Variants in CDC16 observed in about 807,000 individuals in gnomAD.
CDC16 encodes cell division cycle 16.
In CDC16, 34 loss-of-function variants were observed where a neutral mutation model predicts 87.0. That is an observed-to-expected ratio of 0.39 (90% CI 0.30 to 0.52). The LOEUF (loss-of-function observed/expected upper bound fraction) is 0.52, where lower values mean the gene tolerates loss of function less well. Among genes scored for constraint, CDC16 ranks in the 20% least tolerant of loss-of-function variants. CDC16 has a pLI of 0.74. For missense variants in CDC16, 653 were observed against 751.9 expected (o/e 0.87, Z 1.54); for synonymous variants, 263 against 260.6 (o/e 1.01, Z -0.09).
intron 11 of CDC16, among the ~76,000 whole-genome samples, chr13:114,247,521 A>G (rs2081939679): frequency 6.6e-6 from 1 of 151,870 alleles, no homozygotes. Context: ...ATGGGGAGAG[A>G]GAGAAAAAAA....
intron 3 of CDC16, among the ~76,000 whole-genome samples, chr13:114,238,123 G>A (rs2081347785): frequency 6.6e-6 from 1 of 151,574 alleles, no homozygotes; most frequent in African/African-American, 2.4e-5. Flanking sequence ...CGATCTCCTT[G>A]GACGCCCAGC....
At chr13:114,264,352 C>T (rs1217414908) in intron 16 of CDC16, 1 of 152,234 alleles carries the variant, frequency 6.6e-6, no homozygotes, top group African/African-American at 2.4e-5. Context: ...TCGAGACCAT[C>T]CTGACCAATA....
chr13:114,242,265 C>T lies in CDC16; in HGVS notation c.526C>T (p.Leu176=), dbSNP rs1045126064. 5.6e-6 allele frequency: 9 copies of T among 1,611,706 alleles called. No individual in the cohort carries two copies. In the African/African-American group the frequency reaches 8.0e-5, roughly 14 times the overall value. The change falls in exon 6 of 18, where the codon CTG becomes TTG. Residue 176 remains leucine (L), a synonymous_variant. Coordinates refer to ENST00000356221, the MANE Select transcript of CDC16 (RefSeq NM_001078645.3). ...CGATCTTTTAACATCACATCACATGCTGACAGCACAAGAAGGTTTGGAAAC... is the reference window on the plus strand; with the variant it reads ...CGATCTTTTAACATCACATCACATGTTGACAGCACAAGAAGGTTTGGAAAC... ...AFDLLTSHHM[L]TAQEEKELLE...
At chr13:114,246,223 C>G (rs781363778) in intron 10 of CDC16, among the ~76,000 whole-genome samples, 174 bp downstream of exon 10, 6 of 152,162 alleles carry the variant, frequency 3.9e-5, no homozygotes, top group Non-Finnish European at 7.4e-5. Flanking sequence ...AACTTTTCAA[C>G]CCATGAAGGT....
intron 11 of CDC16, 144 bp from the exon 12 acceptor site, chr13:114,250,405 T>G (rs2082106151): frequency 1.6e-6 from 1 of 626,898 alleles, no homozygotes; most frequent in African/African-American, 1.9e-5. Context: ...GGTAGGAGAA[T>G]TGCTTGGTAT....
intron 14 of CDC16, among the ~76,000 whole-genome samples, chr13:114,260,402 C>CT (rs1243170476): frequency 6.6e-6 from 1 of 152,226 alleles, no homozygotes; most frequent in Admixed American, 6.5e-5. Flanking sequence ...TGTCAGTTTT[C>CT]TAAGAAGTGA....
At chr13:114,246,200 C>T (rs771601686) in intron 10 of CDC16, 151 bp downstream of exon 10, 2 of 507,908 alleles carry the variant, frequency 3.9e-6, no homozygotes, top group Non-Finnish European at 6.9e-6. Flanking sequence ...ATTGTACTTA[C>T]AAAAGCAGCA....
intron 9 of CDC16, among the ~76,000 whole-genome samples, chr13:114,245,518 T>A (rs977256422): frequency 3.9e-5 from 6 of 152,204 alleles, no homozygotes; most frequent in Non-Finnish European, 8.8e-5. Context: ...ACATCGCATT[T>A]GTGGAAGCTG....
At chr13:114,266,261 C>T (rs1440347142) in intron 17 of CDC16, among the ~76,000 whole-genome samples, 2 of 152,174 alleles carry the variant, frequency 1.3e-5, no homozygotes, top group Non-Finnish European at 2.9e-5. Flanking sequence ...AGAGGTTTCT[C>T]CTAAAACGGG....
At chr13:114,266,186 A>G (rs1169465284) in intron 17 of CDC16, among the ~76,000 whole-genome samples, 1 of 152,134 alleles carries the variant, frequency 6.6e-6, no homozygotes, top group Admixed American at 6.5e-5. Flanking sequence ...TACAAAACAG[A>G]GCAGAGCCTT....
chr13:114,266,886 TG>T (rs1412786171), intron 17 of CDC16, among the ~76,000 whole-genome samples: 1 of 151,900 alleles, frequency 6.6e-6, no homozygotes, highest in African/African-American at 2.4e-5. Context: ...TTAGTAGTGA[TG>T]GGGTTTCACA....
intron 3 of CDC16, among the ~76,000 whole-genome samples, chr13:114,237,222 C>T: frequency 7.4e-6 from 1 of 135,434 alleles, no homozygotes; most frequent in Non-Finnish European, 1.6e-5. Flanking sequence ...GACTCTGTCT[C>T]AAAAAAAAAA....
At position 114,262,936 on chromosome 13, in the gene CDC16, C is replaced by T. The variant is rs766838450; in HGVS notation, c.1434C>T (p.Asn478=). 61 of 1,613,682 alleles carry T rather than the reference C, an allele frequency of 3.8e-5. No homozygotes were observed. The East Asian group carries it at 1.0e-3, about 27-fold the overall frequency. Residue 478 remains asparagine (N), a synonymous_variant, in exon 16 of 18, where the codon AAC becomes AAT. Transcript: ENST00000356221. The stretch of plus-strand genomic sequence containing the variant: ...AGGCACTGGTGTTGATTCCTCAGAA[C>T]GCATCCACCTACTCTGCTATTGGAT... ...HRQALVLIPQ[N]ASTYSAIGYI...
At chr13:114,241,684 G>T (rs527560827) in intron 5 of CDC16, among the ~76,000 whole-genome samples, 15 of 152,300 alleles carry the variant, frequency 9.8e-5, no homozygotes, top group African/African-American at 3.6e-4. Context: ...TGCCTTGACA[G>T]TTGTGATTGA....
rs769481885 is a variant in CDC16 at position 114,243,248 on chromosome 13, A to G, written c.542-9A>G. The G allele has an allele frequency of 3.0e-6, 4 of 1,327,822 alleles. No homozygotes were observed. Among genetic ancestry groups the G allele is most frequent in the Non-Finnish European group, 4.3e-6 (4 of 926,940 alleles). 82.3% of individuals were successfully genotyped at this position (1,327,822 alleles called of 1,614,324 possible). ...TGAGGATATTCTTTTTTTTCTCACC[A>G]TTTTTAAGAAAAAGAACTTCTTGAA... On this transcript the variant is annotated splice_polypyrimidine_tract_variant and intron_variant, in intron 6 of 17. Transcript: ENST00000356221.
intron 10 of CDC16, 24 bp from the exon 11 acceptor site, chr13:114,246,907 T>C (rs1163475231): frequency 6.7e-7 from 1 of 1,488,338 alleles, no homozygotes; most frequent in Non-Finnish European, 9.4e-7. Context: ...AATCTTTGTT[T>C]ATGGTAAATT....
chr13:114,242,559 C>T (rs933506295), intron 6 of CDC16: 19 of 338,870 alleles, frequency 5.6e-5, no homozygotes, highest in African/African-American at 3.8e-4. Context: ...TGCAGTGATT[C>T]TCAACCGTGT....
At chr13:114,271,672 T>G (rs371829347) in intron 17 of CDC16, among the ~76,000 whole-genome samples, 175 of 151,404 alleles carry the variant, frequency 1.2e-3, no homozygotes, top group East Asian at 9.8e-4. Flanking sequence ...TAGTAGAGAC[T>G]GGGTTTCACC....
intron 17 of CDC16, among the ~76,000 whole-genome samples, chr13:114,271,682 C>T (rs572254003): frequency 2.2e-4 from 34 of 151,934 alleles, no homozygotes; most frequent in African/African-American, 5.3e-4. Context: ...TGGGTTTCAC[C>T]GTGTTAGCCA....
Sources: gnomAD v4.1 joint callset for allele counts (sites outside exome capture counted in the v4.1 genomes callset) on GRCh38, gnomAD v4.1.1 for gene constraint, MANE v1.5 for transcripts, NCBI Gene and HGNC (gene_info 2026-07-23, HGNC 2026-07-21) for gene names.